BMP4: variants seen among roughly 807,000 people sequenced by gnomAD.
BMP4 encodes the protein bone morphogenetic protein 2B.
In BMP4, 3 loss-of-function variants were observed where a neutral mutation model predicts 29.6. That is an observed-to-expected ratio of 0.10 (90% CI 0.05 to 0.26). The LOEUF (loss-of-function observed/expected upper bound fraction) is 0.26. BMP4 is among the 10% of genes least tolerant of loss of function. BMP4 has a pLI of 1.00. For missense variants in BMP4, 455 were observed against 550.2 expected, an observed-to-expected ratio of 0.83 and a Z score of 1.73; for synonymous variants, 197 against 213.2, an observed-to-expected ratio of 0.92 and a Z score of 0.66.
chr14:53,949,883 C>CATT lies in BMP4; in HGVS notation c.*148_*149insAAT, dbSNP rs796563569. 0.047 allele frequency: 30,059 copies of CATT among 639,662 alleles called. 398 individuals are homozygous for CATT. The highest frequency in any genetic ancestry group is 0.059 in the African/African-American group (2,697 of 45,918). The allele number at this position is 639,662 out of a possible 1,614,324, so 39.6% of individuals were successfully genotyped here. Reference sequence around the variant, plus strand: ...AAGGTGAATGTTTAGGGATTTTTTCCTTTTTTTTTTTTTTTTTTAAATAAA... The same window carrying CATT: ...AAGGTGAATGTTTAGGGATTTTTTCCATTTTTTTTTTTTTTTTTTTTAAATAAA... On this transcript the variant is annotated 3_prime_UTR_variant, in exon 4 of 4. Coordinates refer to ENST00000245451, the MANE Select transcript of BMP4 (RefSeq NM_001202.6).
At position 53,949,929 on chromosome 14, in the gene BMP4, G is replaced by T; in HGVS notation, c.*103C>A. On this transcript the variant is annotated 3_prime_UTR_variant, in exon 4 of 4. Transcript: ENST00000245451. ...ATAAAAGTCCAGCTATAAGGAAGCA[G>T]TCTGTGTAGTGTGTGGGTGAGTGGA... 5 of 1,192,980 alleles carry T rather than the reference G, an allele frequency of 4.2e-6. No homozygotes were observed. The highest frequency in any genetic ancestry group is 6.0e-6 in the Non-Finnish European group (5 of 834,212). 73.9% of individuals were successfully genotyped at this position (1,192,980 alleles called of 1,614,324 possible). A position where few individuals can be genotyped will look rare whatever the true frequency, so the allele number is the denominator to read the frequency against.
At chr14:53,953,719 C>A (rs1895579892) in intron 1 of BMP4, among the ~76,000 whole-genome samples, 1 of 152,026 alleles carries the variant, frequency 6.6e-6, no homozygotes, top group Non-Finnish European at 1.5e-5. Context: ...CGGTTCTCGG[C>A]GCGGTGCGTC....
chr14:53,950,163 A>C lies in BMP4; in HGVS notation c.1096T>G (p.Ser366Ala), dbSNP rs979032376. 6.2e-7 allele frequency: 1 copy of C among 1,614,074 alleles called. No individual in the cohort carries two copies. Among genetic ancestry groups the C allele is most frequent in the African/African-American group, 1.3e-5 (1 of 74,914 alleles). The part of the protein sequence containing the change: ...IVQTLVNSVN[S>A]SIPKACCVPT... ...ACACAACAGGCTTTGGGGATACTGG[A>C]ATTGACAGAATTGACCAGGGTCTGC... Residue 366 changes from serine (S) to alanine (A), a missense_variant, in exon 4 of 4, where the codon TCC becomes GCC. Coordinates refer to ENST00000245451, the MANE Select transcript of BMP4 (RefSeq NM_001202.6). This position sits in a 1 kb window ranked among gnomAD's most constrained non-coding sequence, Gnocchi z 5.4.
intron 1 of BMP4, among the ~76,000 whole-genome samples, chr14:53,953,936 CA>C (rs1444893498): frequency 5.4e-5 from 8 of 147,236 alleles, no homozygotes; most frequent in African/African-American, 1.5e-4. Flanking sequence ...CACACCCCCC[CA>C]CACACACACA....
rs1432789056 is a variant in BMP4, at chr14:53,954,978, G to A, written c.-133+1572C>T. Among the ~76,000 whole-genome samples the A allele has an allele frequency of 1.3e-5, 2 of 152,180 alleles. No homozygotes were observed. The highest frequency in any genetic ancestry group is 1.9e-4 in the East Asian group (1 of 5,174). On this transcript the variant is annotated intron_variant, in intron 1 of 3. Transcript: ENST00000245451. The surrounding 1 kb of genome is among the most constrained non-coding windows in gnomAD (Gnocchi z 4.8). ...GAAAAGTAAAGGATCGAACAGCTCAGCCCTCCCTCCCGACCGTGGATGCCC... is the reference window on the plus strand; with the variant it reads ...GAAAAGTAAAGGATCGAACAGCTCAACCCTCCCTCCCGACCGTGGATGCCC...
In BMP4 at chr14:53,950,055, C is replaced by T; in HGVS notation, c.1204G>A (p.Val402Ile). 1 of 1,614,108 alleles carries T rather than the reference C, an allele frequency of 6.2e-7. No homozygotes were observed. Among genetic ancestry groups the T allele is most frequent in the Non-Finnish European group, 8.5e-7 (1 of 1,180,016 alleles). Residue 402 changes from valine (V) to isoleucine (I), a missense_variant, in exon 4 of 4, where the codon GTA becomes ATA. This residue lies in a region of BMP4 where 48 missense variants were observed against 90.4 expected (regional missense o/e 0.53). Coordinates refer to ENST00000245451, the MANE Select transcript of BMP4 (RefSeq NM_001202.6). This position sits in a 1 kb window ranked among gnomAD's most constrained non-coding sequence, Gnocchi z 5.4. Reference protein sequence around the residue: ...VVLKNYQEMVVEGCGCR With the variant: ...VVLKNYQEMVIEGCGCR ...TCTCAGCGGCACCCACATCCCTCTACTACCATCTCCTGATAATTTTTCAGT... is the reference window on the plus strand; with the variant it reads ...TCTCAGCGGCACCCACATCCCTCTATTACCATCTCCTGATAATTTTTCAGT...
At position 53,954,188 on chromosome 14, in the gene BMP4, C is replaced by T. The variant is rs1292145791; in HGVS notation, c.-132-788G>A. On this transcript the variant is annotated intron_variant, in intron 1 of 3. Coordinates refer to ENST00000245451, the MANE Select transcript of BMP4 (RefSeq NM_001202.6). The surrounding 1 kb of genome is among the most constrained non-coding windows in gnomAD (Gnocchi z 4.8). Reference sequence around the variant, plus strand: ...GAGGGAGCGGCTGTTAGTCATTGCTCCGGGTCCATTACCGAGAATCCCCAA... The same window carrying T: ...GAGGGAGCGGCTGTTAGTCATTGCTTCGGGTCCATTACCGAGAATCCCCAA... Among the ~76,000 whole-genome samples, 4 of 152,008 alleles carry T rather than the reference C, an allele frequency of 2.6e-5. No homozygotes were observed. The highest frequency in any genetic ancestry group is 9.7e-5 in the African/African-American group (4 of 41,400).
At position 53,949,889 on chromosome 14, in the gene BMP4, T is replaced by A. The variant is rs750395429; in HGVS notation, c.*143A>T. ...AATGTTTAGGGATTTTTTCCTTTTT[T>A]TTTTTTTTTTTTAAATAAAAGTCCA... On this transcript the variant is annotated 3_prime_UTR_variant, in exon 4 of 4. Coordinates refer to ENST00000245451, the MANE Select transcript of BMP4 (RefSeq NM_001202.6). 392 of 921,438 alleles carry A rather than the reference T, an allele frequency of 4.3e-4. 4 individuals carry two copies. Among genetic ancestry groups the A allele is most frequent in the Non-Finnish European group, 5.5e-4 (353 of 640,622 alleles). The allele number at this position is 921,438 out of a possible 1,614,324, so 57.1% of individuals were successfully genotyped here.
chr14:53,950,398 G>T lies in BMP4; in HGVS notation c.861C>A (p.Arg287=). 1 of 1,613,682 alleles carries T rather than the reference G, an allele frequency of 6.2e-7. No homozygotes were observed. Among genetic ancestry groups the T allele is most frequent in the Non-Finnish European group, 8.5e-7 (1 of 1,179,752 alleles). The change falls in exon 4 of 4, where the codon CGC becomes CGA. Residue 287 remains arginine, a synonymous_variant. Coordinates refer to ENST00000245451, the MANE Select transcript of BMP4 (RefSeq NM_001202.6). The surrounding 1 kb of genome is among the most constrained non-coding windows in gnomAD (Gnocchi z 5.4). ...HDGRGHALTR[R]RRAKRSPKHH... is the part of the protein sequence containing the mutation. ...GCTTAGGGCTACGCTTGGCCCTCCG[G>T]CGTCGGGTCAAGGCATGGCCCCGGC...
In BMP4 at chr14:53,951,898, G is replaced by A. The variant is rs1288064472; in HGVS notation, c.325C>T (p.Arg109Cys). The A allele has an allele frequency of 1.9e-6, 3 of 1,601,264 alleles. No homozygotes were observed. The highest frequency in any genetic ancestry group is 2.5e-6 in the Non-Finnish European group (3 of 1,179,942). Reference protein sequence around the residue: ...IHSTGLEYPERPASRANTVRS... With the variant: ...IHSTGLEYPECPASRANTVRS... ...ACGGTGTTGGCCCGGCTGGCCGGGC[G>A]CTCAGGATACTCAAGACCAGTGCTG... Residue 109 changes from arginine to cysteine, a missense_variant, in exon 3 of 4, where the codon CGC becomes TGC. By Grantham distance (180) the Arg-to-Cys change is radical. Around this residue, in one of 4 missense-constraint regions of BMP4, gnomAD observed 249 missense variants for 284.6 expected, o/e 0.87. Transcript: ENST00000245451.
In BMP4 at chr14:53,952,240, G is replaced by A; in HGVS notation, c.-7-11C>T. ...GGAATCATGGTGTCTCTGGGGAGGG[G>A]GAGGGGAGTGGAAGGTTAAAGAATA... is the stretch of plus-strand genomic sequence containing the variant. On this transcript the variant is annotated splice_polypyrimidine_tract_variant and intron_variant, in intron 2 of 3. Coordinates refer to ENST00000245451, the MANE Select transcript of BMP4 (RefSeq NM_001202.6). 1 of 1,613,298 alleles carries A rather than the reference G, an allele frequency of 6.2e-7. No homozygotes were observed. Among genetic ancestry groups the A allele is most frequent in the Non-Finnish European group, 8.5e-7 (1 of 1,179,642 alleles).
Position 53,950,155 on chromosome 14 carries a change from G to A in BMP4, c.1104C>T (p.Ile368=). The A allele has an allele frequency of 6.2e-7, 1 of 1,614,218 alleles. No homozygotes were observed. Among genetic ancestry groups the A allele is most frequent in the Non-Finnish European group, 8.5e-7 (1 of 1,180,046 alleles). ...CAGTGGGCACACAACAGGCTTTGGGGATACTGGAATTGACAGAATTGACCA... is the reference window on the plus strand; with the variant it reads ...CAGTGGGCACACAACAGGCTTTGGGAATACTGGAATTGACAGAATTGACCA... ...QTLVNSVNSS[I]PKACCVPTEL... is the part of the protein sequence containing the mutation. Residue 368 remains isoleucine, a synonymous_variant, in exon 4 of 4, where the codon ATC becomes ATT. Transcript: ENST00000245451. The surrounding 1 kb of genome is among the most constrained non-coding windows in gnomAD (Gnocchi z 5.4).
At chr14:53,956,278 C>G (rs1377512179) in intron 1 of BMP4, among the ~76,000 whole-genome samples, 2 of 152,150 alleles carry the variant, frequency 1.3e-5, no homozygotes, top group African/African-American at 4.8e-5. Context: ...CAACGACCCC[C>G]CTACCAAGGG....
chr14:53,953,432 C>T (rs989366255), intron 1 of BMP4, 32 bp from the exon 2 acceptor site: 3 of 398,800 alleles, frequency 7.5e-6, no homozygotes, highest in African/African-American at 6.2e-5. Context: ...AATGAGACTC[C>T]ACCGCAGACA....
Position 53,956,568 on chromosome 14 carries a change from C to T in BMP4, c.-151G>A. The stretch of plus-strand genomic sequence containing the variant: ...TGCTCACCATAGGTCCCTGCAGTAG[C>T]GGGCTCGCCAGCAGCAGCTCCTGGG... On this transcript the variant is annotated 5_prime_UTR_variant, in exon 1 of 4. Transcript: ENST00000245451. The T allele has an allele frequency of 2.5e-6, 1 of 399,316 alleles. No individual in the cohort carries two copies. Among genetic ancestry groups the T allele is most frequent in the East Asian group, 3.6e-5 (1 of 28,066 alleles). 24.7% of individuals were successfully genotyped at this position (399,316 alleles called of 1,614,324 possible).
chr14:53,953,113 C>T (rs1198616215), intron 2 of BMP4, among the ~76,000 whole-genome samples, 163 bp downstream of exon 2: 1 of 152,212 alleles, frequency 6.6e-6, no homozygotes, highest in East Asian at 1.9e-4. Flanking sequence ...AACCCGTACG[C>T]TTCCAGCGCC....
rs1031249061 is a variant in BMP4 at position 53,955,860 on chromosome 14, T to C, written c.-133+690A>G. Reference sequence around the variant, plus strand: ...CAGGAACAAGCGTCCTGGGAGCCCCTGGGATCTTGGCTGTCGTCTCTAGGG... The same window carrying C: ...CAGGAACAAGCGTCCTGGGAGCCCCCGGGATCTTGGCTGTCGTCTCTAGGG... On this transcript the variant is annotated intron_variant, in intron 1 of 3. Coordinates refer to ENST00000245451, the MANE Select transcript of BMP4 (RefSeq NM_001202.6). The surrounding 1 kb of genome is among the most constrained non-coding windows in gnomAD (Gnocchi z 4.0). 2.6e-5 allele frequency: 4 copies of C among 152,180 alleles called. No homozygotes were observed. The highest frequency in any genetic ancestry group is 5.9e-5 in the Non-Finnish European group (4 of 68,050). The allele number at this position is 152,180 out of a possible 1,614,324, so 9.4% of individuals were successfully genotyped here. A position where few individuals can be genotyped will look rare whatever the true frequency, so the allele number is the denominator to read the frequency against.
chr14:53,951,181 C>A (rs951782546), intron 3 of BMP4, among the ~76,000 whole-genome samples: 3 of 152,170 alleles, frequency 2.0e-5, no homozygotes, highest in Admixed American at 6.5e-5. Context: ...TATGGCACCA[C>A]AATCAGACTC....
intron 3 of BMP4, 101 bp downstream of exon 3, chr14:53,951,752 G>A: frequency 6.6e-7 from 1 of 1,507,816 alleles, no homozygotes; most frequent in South Asian, 1.3e-5. Flanking sequence ...TCCTGGACTG[G>A]GGCTTTGATG....
Sources: allele counts gnomAD v4.1 joint callset (sites outside exome capture counted in the v4.1 genomes callset), GRCh38; gene constraint gnomAD v4.1.1; regional missense constraint gnomAD v4.1.1; non-coding constraint Gnocchi (gnomAD v3.1); transcripts MANE v1.5; gene names NCBI Gene and HGNC (gene_info 2026-07-23, HGNC 2026-07-21).